GAPVD1: variants seen among roughly 807,000 people sequenced by gnomAD.
GAPVD1 encodes GTPase activating protein and VPS9 domains 1.
A neutral mutation model predicts 155.5 loss-of-function variants in GAPVD1; 35 were observed. That is an observed-to-expected ratio of 0.23 (90% CI 0.17 to 0.30). GAPVD1 has a LOEUF of 0.30. GAPVD1 is among the 10% of genes least tolerant of loss of function. GAPVD1 has a pLI of 1.00. For synonymous variants in GAPVD1, 636 were observed against 619.7 expected (o/e 1.03, Z -0.39); for missense variants, 1,429 against 1,775.7 (o/e 0.80, Z 3.51).
chr9:125,342,855 T>C lies in GAPVD1; in HGVS notation c.3046+556T>C, dbSNP rs2132141092. 1.3e-5 allele frequency among the ~76,000 whole-genome samples: 2 copies of C among 149,084 alleles called. 1 individual carries two copies. The highest frequency in any genetic ancestry group is 6.8e-3 in the Middle Eastern group (2 of 292). On this transcript the variant is annotated intron_variant, in intron 19 of 27. Coordinates refer to ENST00000297933, the MANE Select transcript of GAPVD1 (RefSeq NM_001282680.3). ...ATGAAAGTTTTAAAAACTTTACTAATTTTTTACAGCTTGAACCATTTTAAC... is the reference window on the plus strand; with the variant it reads ...ATGAAAGTTTTAAAAACTTTACTAACTTTTTACAGCTTGAACCATTTTAAC...
intron 13 of GAPVD1, among the ~76,000 whole-genome samples, chr9:125,331,046 A>T (rs899980563): frequency 6.6e-6 from 1 of 151,822 alleles, no homozygotes; most frequent in African/African-American, 2.4e-5. Context: ...TTGTCTTTTC[A>T]TATGCATTGC....
chr9:125,341,946 T>C, intron 18 of GAPVD1: 1 of 251,706 alleles, frequency 4.0e-6, no homozygotes, highest in Non-Finnish European at 7.6e-6. Context: ...GAATGTGTTT[T>C]TGAGCAGAGG....
chr9:125,356,727 A>C (rs1376155743), intron 25 of GAPVD1, among the ~76,000 whole-genome samples: 1 of 152,160 alleles, frequency 6.6e-6, no homozygotes, highest in African/African-American at 2.4e-5. Context: ...GCTGGAGTGC[A>C]GTGGCGTGAT....
chr9:125,337,701 A>T, intron 17 of GAPVD1, 110 bp downstream of exon 17: 1 of 1,058,104 alleles, frequency 9.5e-7, no homozygotes, highest in Non-Finnish European at 1.3e-6. Context: ...GAGAGTAGTC[A>T]TGATTAAAGA....
In GAPVD1 at chr9:125,302,083, T is replaced by A; in HGVS notation, c.286T>A (p.Tyr96Asn). The A allele has an allele frequency of 6.2e-7, 1 of 1,613,556 alleles. No individual in the cohort carries two copies. The highest frequency in any genetic ancestry group is 1.3e-5 in the African/African-American group (1 of 74,954). The change falls in exon 5 of 28, where the codon TAT (tyrosine) becomes AAT (asparagine). Residue 96 changes from tyrosine (Y) to asparagine (N), a missense_variant. Coordinates refer to ENST00000297933, the MANE Select transcript of GAPVD1 (RefSeq NM_001282680.3). The part of the protein sequence containing the change: ...YKQLGFQETA[Y>N]GEFLSRLREN... ...GCAATTGGGATTTCAGGAGACTGCT[T>A]ATGGAGAATTCTTGAGTCGATTGAG...
chr9:125,359,600 A>G lies in GAPVD1; in HGVS notation c.4044+108A>G, dbSNP rs1030469597. 9 of 674,064 alleles carry G rather than the reference A, an allele frequency of 1.3e-5. No individual in the cohort carries two copies. In the African/African-American group the frequency reaches 1.6e-4, roughly 12 times the overall value. The allele number at this position is 674,064 out of a possible 1,614,324, so 41.8% of individuals were successfully genotyped here. A position where few individuals can be genotyped will look rare whatever the true frequency, so the allele number is the denominator to read the frequency against. On this transcript the variant is annotated intron_variant, in intron 26 of 27. Coordinates refer to ENST00000297933, the MANE Select transcript of GAPVD1 (RefSeq NM_001282680.3). ...GAACTGAAATGTGATAAAATATAAA[A>G]CATCATTTTCACTCTATGTAATTCA...
chr9:125,342,352 A>G, intron 19 of GAPVD1, 53 bp downstream of exon 19: 1 of 999,884 alleles, frequency 1.0e-6, no homozygotes, highest in South Asian at 1.3e-5. Context: ...CACATATTTC[A>G]TAACACTTTT....
At chr9:125,300,471 G>T (rs1027782069) in intron 4 of GAPVD1, among the ~76,000 whole-genome samples, 1 of 151,898 alleles carries the variant, frequency 6.6e-6, no homozygotes, top group South Asian at 2.1e-4. Context: ...GAGCCACCCT[G>T]CCTGGCCAAG....
At position 125,354,722 on chromosome 9, in the gene GAPVD1, T is replaced by A. The variant is rs1369697642; in HGVS notation, c.3638T>A (p.Leu1213Gln). The A allele has an allele frequency of 6.2e-7, 1 of 1,613,396 alleles. No individual in the cohort carries two copies. Among genetic ancestry groups the A allele is most frequent in the Non-Finnish European group, 8.5e-7 (1 of 1,179,412 alleles). The change falls in exon 24 of 28, where the codon CTG (leucine) becomes CAG (glutamine). Residue 1213 changes from leucine (L) to glutamine (Q), a missense_variant. Around this residue, in one of 4 missense-constraint regions of GAPVD1, gnomAD observed 699 missense variants for 826.0 expected, o/e 0.85. Coordinates refer to ENST00000297933, the MANE Select transcript of GAPVD1 (RefSeq NM_001282680.3). The part of the protein sequence containing the change: ...RQGLQTTQAH[L>Q]ERLLQRVLRD... ...GGACTACAGACCACACAGGCTCACC[T>A]GGAAAGGCTATTGCAAAGAGTTTTG...
At chr9:125,310,827 C>T (rs1245238965) in intron 8 of GAPVD1, among the ~76,000 whole-genome samples, 15 of 141,550 alleles carry the variant, frequency 1.1e-4, no homozygotes, top group South Asian at 2.3e-4. Context: ...CGTGAGCCAC[C>T]GCGCCCAGCC....
chr9:125,354,515 A>G (rs753871445), intron 23 of GAPVD1, 139 bp from the exon 24 acceptor site: 3 of 580,050 alleles, frequency 5.2e-6, no homozygotes, highest in African/African-American at 1.9e-5. Flanking sequence ...TATATGTGCT[A>G]CTGAAGAGAG....
chr9:125,352,791 G>A (rs554849056), intron 23 of GAPVD1, among the ~76,000 whole-genome samples: 75 of 152,214 alleles, frequency 4.9e-4, no homozygotes, highest in Middle Eastern at 3.4e-3. Flanking sequence ...GTTTCTGAAC[G>A]TTTATGCTCT....
At chr9:125,348,989 G>A (rs1169456412) in intron 20 of GAPVD1, among the ~76,000 whole-genome samples, 1 of 152,150 alleles carries the variant, frequency 6.6e-6, no homozygotes, top group African/African-American at 2.4e-5. Context: ...GAAATTTAGA[G>A]CAAGCCATTT....
chr9:125,294,222 G>T (rs1839456086), intron 2 of GAPVD1, among the ~76,000 whole-genome samples: 1 of 150,220 alleles, frequency 6.7e-6, no homozygotes, highest in Non-Finnish European at 1.5e-5. Flanking sequence ...TATATTTTTA[G>T]TAGAGACAGG....
rs561092474 is a variant in GAPVD1, at chr9:125,321,520, C to T, written c.1690C>T (p.Arg564Cys). The change falls in exon 10 of 28, where the codon CGC becomes TGC. Residue 564 changes from arginine (R) to cysteine (C), a missense_variant. Transcript: ENST00000297933. ...KLHGKPDKTL[R>C]FSLCSDNLEG... is the part of the protein sequence containing the mutation. ...CCATGGTAAACCTGATAAAACCTTG[C>T]GCTTTTCCCTCTGCAGTGATAATCT... 5.0e-6 allele frequency: 8 copies of T among 1,613,064 alleles called. No homozygotes were observed. The highest frequency in any genetic ancestry group is 1.1e-5 in the South Asian group (1 of 91,066).
rs747488572 is a variant in GAPVD1 at position 125,323,861 on chromosome 9, T to A, written c.1796T>A (p.Leu599His). Residue 599 changes from leucine to histidine, a missense_variant, in exon 11 of 28, where the codon CTT becomes CAT. By Grantham distance (99) the Leu-to-His change is moderately conservative. This residue lies in a region of GAPVD1 where 628 missense variants were observed against 733.4 expected (regional missense o/e 0.86). Coordinates refer to ENST00000297933, the MANE Select transcript of GAPVD1 (RefSeq NM_001282680.3). ...LDLEGESVSE[L>H]GAGPSGSNGV... ...CTAGAAGGAGAGTCTGTGTCAGAAC[T>A]TGGAGCAGGACCTTCTGGCAGTAAT... is the stretch of plus-strand genomic sequence containing the variant. The A allele has an allele frequency of 1.9e-6, 3 of 1,613,290 alleles. No homozygotes were observed. In the African/African-American group the frequency reaches 4.0e-5, roughly 22 times the overall value.
chr9:125,269,922 T>C (rs1401497143), intron 2 of GAPVD1, among the ~76,000 whole-genome samples: 1 of 151,698 alleles, frequency 6.6e-6, no homozygotes, highest in African/African-American at 2.4e-5. Context: ...TTTTACCATG[T>C]TGGCCAGGCT....
intron 2 of GAPVD1, among the ~76,000 whole-genome samples, chr9:125,271,803 G>C (rs576514611): frequency 6.6e-6 from 1 of 151,948 alleles, no homozygotes; most frequent in South Asian, 2.1e-4. Flanking sequence ...CACCTGCCTC[G>C]AGTGCTGGGC....
intron 2 of GAPVD1, among the ~76,000 whole-genome samples, chr9:125,283,777 TA>T (rs773610475): frequency 1.4e-4 from 22 of 152,196 alleles, no homozygotes; most frequent in South Asian, 4.1e-4. Context: ...AAGTTGGAAA[TA>T]TTTTTTTTCC....
Sources: gnomAD v4.1 joint callset for allele counts (sites outside exome capture counted in the v4.1 genomes callset) on GRCh38, gnomAD v4.1.1 for gene constraint, gnomAD v4.1.1 regional missense constraint, MANE v1.5 for transcripts, NCBI Gene and HGNC (gene_info 2026-07-23, HGNC 2026-07-21) for gene names.